XRRA1: variants seen among roughly 807,000 people sequenced by gnomAD.
XRRA1 encodes the protein X-ray radiation resistance-associated protein 1.
Under a neutral mutation model 80.2 loss-of-function variants are expected in XRRA1, and 69 were observed. That is an observed-to-expected ratio of 0.86 (90% CI 0.71 to 1.05). The LOEUF is 1.05. XRRA1 is among the 50% of genes least tolerant of loss of function. The pLI is 0.00. For synonymous variants in XRRA1, 348 were observed against 389.9 expected, an observed-to-expected ratio of 0.89 and a Z score of 1.27; for missense variants, 967 against 976.4, an observed-to-expected ratio of 0.99 and a Z score of 0.13.
intron 10 of XRRA1, among the ~76,000 whole-genome samples, chr11:74,872,596 T>C (rs1056338571): frequency 1.3e-5 from 2 of 152,010 alleles, no homozygotes; most frequent in African/African-American, 4.8e-5. Context: ...AGGCAGCAAG[T>C]AGAAGCCACC....
rs1485427298 is a variant in XRRA1 at position 74,843,389 on chromosome 11, C to G, written c.2214G>C (p.Lys738Asn). ...GTGCCTGGAACTCCTTCAACAGCCT[C>G]TTGGCCTCCAGGTACTGCTTGTGGT... ...LVNHKQYLEA[K>N]RLLKEFQARY... Residue 738 changes from lysine to asparagine, a missense_variant, in exon 19 of 19, where the codon AAG becomes AAC. Coordinates refer to ENST00000684022, the MANE Select transcript of XRRA1 (RefSeq NM_001378157.1). 1.9e-6 allele frequency: 3 copies of G among 1,612,538 alleles called. No individual in the cohort carries two copies. The highest frequency in any genetic ancestry group is 8.5e-7 in the Non-Finnish European group (1 of 1,179,372).
intron 6 of XRRA1, among the ~76,000 whole-genome samples, chr11:74,929,245 A>G (rs916135007): frequency 6.6e-6 from 1 of 151,968 alleles, no homozygotes; most frequent in Non-Finnish European, 1.5e-5. Context: ...CTATCAGTCT[A>G]TCAACTACCA....
chr11:74,922,256 C>CA (rs398016677), intron 7 of XRRA1, among the ~76,000 whole-genome samples: 47,127 of 69,732 alleles, frequency 0.68, 16,077 homozygotes, highest in Non-Finnish European at 0.77. Flanking sequence ...GACTCTGCCT[C>CA]AAAAAAAAAA....
Position 74,948,989 on chromosome 11 carries a change from G to A in XRRA1, c.-134C>T, listed in dbSNP as rs909995388. 1 of 301,918 alleles carries A rather than the reference G, an allele frequency of 3.3e-6. No homozygotes were observed. The highest frequency in any genetic ancestry group is 6.3e-6 in the Non-Finnish European group (1 of 157,676). The allele number at this position is 301,918 out of a possible 1,614,324, so 18.7% of individuals were successfully genotyped here. Reference sequence around the variant, plus strand: ...CGGAGGCGACGTCCCAGTCAGGAGGGATGCGCGCCTGCGAGCCCCCCGGGG... The same window carrying A: ...CGGAGGCGACGTCCCAGTCAGGAGGAATGCGCGCCTGCGAGCCCCCCGGGG... On this transcript the variant is annotated 5_prime_UTR_variant, in exon 1 of 19. Transcript: ENST00000684022.
chr11:74,896,749 G>A (rs908196931), intron 10 of XRRA1, among the ~76,000 whole-genome samples: 1 of 152,168 alleles, frequency 6.6e-6, no homozygotes, highest in Non-Finnish European at 1.5e-5. Flanking sequence ...CATATGTTTG[G>A]CAGAAAGTAA....
At chr11:74,922,934 G>A (rs1184400689) in intron 7 of XRRA1, among the ~76,000 whole-genome samples, 1 of 152,120 alleles carries the variant, frequency 6.6e-6, no homozygotes, top group African/African-American at 2.4e-5. Context: ...TCAACCCTAT[G>A]TATAAGGCTT....
At chr11:74,940,724 A>T in intron 3 of XRRA1, 61 bp downstream of exon 3, 1 of 1,352,980 alleles carries the variant, frequency 7.4e-7, no homozygotes, top group Non-Finnish European at 1.0e-6. Context: ...AGTAGATGTG[A>T]GATGGTCTAA....
In XRRA1 at chr11:74,940,885, G is replaced by A; in HGVS notation, c.-4-3C>T. ...AGATTCCTGAGAAGGCCATCTCCCT[G>A]AGAGCCAGGCAAGGAAAGCAAGGAA... On this transcript the variant is annotated splice_region_variant and splice_polypyrimidine_tract_variant and intron_variant, in intron 2 of 18. Coordinates refer to ENST00000684022, the MANE Select transcript of XRRA1 (RefSeq NM_001378157.1). 1 of 1,602,728 alleles carries A rather than the reference G, an allele frequency of 6.2e-7. No individual in the cohort carries two copies.
intron 9 of XRRA1, chr11:74,906,731 C>A: frequency 2.1e-6 from 1 of 469,144 alleles, no homozygotes; most frequent in Non-Finnish European, 3.7e-6. Flanking sequence ...GTAGTTGAAA[C>A]CAAAGTAAAT....
At chr11:74,911,066 G>A (rs1319440948) in intron 8 of XRRA1, among the ~76,000 whole-genome samples, 1 of 152,126 alleles carries the variant, frequency 6.6e-6, no homozygotes, top group Admixed American at 6.5e-5. Context: ...GACTTGCGAA[G>A]AGGAGGCCAC....
intron 6 of XRRA1, among the ~76,000 whole-genome samples, chr11:74,927,980 C>T (rs1942678189): frequency 6.6e-6 from 1 of 152,280 alleles, no homozygotes; most frequent in African/African-American, 2.4e-5. Context: ...ATACTGTACA[C>T]ACTGTACTGA....
rs2036938969 is a variant in XRRA1 at position 74,843,408 on chromosome 11, T to C, written c.2195A>G (p.Lys732Arg). Residue 732 changes from lysine to arginine, a missense_variant, in exon 19 of 19, where the codon AAG becomes AGG. Lys to Arg is a conservative substitution (Grantham distance 26). Coordinates refer to ENST00000684022, the MANE Select transcript of XRRA1 (RefSeq NM_001378157.1). ...CAGCCTCTTGGCCTCCAGGTACTGC[T>C]TGTGGTTCACCAGCCGCCGTTCTGT... ...QWTERRLVNH[K>R]QYLEAKRLLK... 2.5e-6 allele frequency: 4 copies of C among 1,612,532 alleles called. No homozygotes were observed. Among genetic ancestry groups the C allele is most frequent in the Non-Finnish European group, 3.4e-6 (4 of 1,179,336 alleles).
In XRRA1 at chr11:74,848,097, G is replaced by A. The variant is rs2038778683; in HGVS notation, c.1728+18C>T. On this transcript the variant is annotated intron_variant, in intron 15 of 18. Transcript: ENST00000684022. ...GGGAGCTAGCAACAAGTGGGCAGGG[G>A]CAGCTGGATACAGGTACCTGGGTCA... is the stretch of plus-strand genomic sequence containing the variant. 6.3e-7 allele frequency: 1 copy of A among 1,594,164 alleles called. No individual in the cohort carries two copies. Among genetic ancestry groups the A allele is most frequent in the East Asian group, 2.2e-5 (1 of 44,664 alleles).
intron 4 of XRRA1, among the ~76,000 whole-genome samples, chr11:74,936,048 C>A (rs990269136): frequency 1.3e-5 from 2 of 152,180 alleles, no homozygotes; most frequent in Non-Finnish European, 2.9e-5. Flanking sequence ...CAACAAAGTT[C>A]TCTTTCAACA....
At chr11:74,937,638 T>C (rs1007385830) in intron 3 of XRRA1, among the ~76,000 whole-genome samples, 13 of 151,556 alleles carry the variant, frequency 8.6e-5, no homozygotes, top group African/African-American at 3.2e-4. Context: ...ATGTCTACTG[T>C]AGAAAGAATT....
At chr11:74,948,365 GT>G (rs1328456720) in intron 1 of XRRA1, among the ~76,000 whole-genome samples, 1 of 142,920 alleles carries the variant, frequency 7.0e-6, no homozygotes, top group Non-Finnish European at 1.5e-5. Context: ...ATAGAGCATG[GT>G]ATAATACAAT....
At chr11:74,857,828 T>C (rs2041472332) in intron 12 of XRRA1, among the ~76,000 whole-genome samples, 1 of 152,054 alleles carries the variant, frequency 6.6e-6, no homozygotes, top group South Asian at 2.1e-4. Context: ...CCCCCATATA[T>C]TTGGAAATTA....
intron 15 of XRRA1, 45 bp downstream of exon 15, chr11:74,848,070 G>T (rs748271943): frequency 6.5e-7 from 1 of 1,546,326 alleles, no homozygotes; most frequent in Non-Finnish European, 8.8e-7. Context: ...ACAGGAACCT[G>T]TGGGAGCTAG....
In XRRA1 at chr11:74,844,411, AAC is replaced by A. The variant is rs967449930; in HGVS notation, c.1928-130_1928-129del. ...AAGGATTTGAGAGTCCCCAAAAGAA[AAC>A]ACTGCCCCCAGGTTTCTTCCGGATC... On this transcript the variant is annotated intron_variant, in intron 16 of 18. Coordinates refer to ENST00000684022, the MANE Select transcript of XRRA1 (RefSeq NM_001378157.1). 2.5e-4 allele frequency: 172 copies of A among 675,558 alleles called. No homozygotes were observed. The African/African-American group carries it at 2.8e-3, about 11-fold the overall frequency. The allele number at this position is 675,558 out of a possible 1,614,324, so 41.8% of individuals were successfully genotyped here.
Sources: gnomAD v4.1 joint callset for allele counts (sites outside exome capture counted in the v4.1 genomes callset) on GRCh38, gnomAD v4.1.1 for gene constraint, MANE v1.5 for transcripts, NCBI Gene and HGNC (gene_info 2026-07-23, HGNC 2026-07-21) for gene names.